Variants in CNTNAP2 observed in about 807,000 individuals in gnomAD.
The protein encoded by CNTNAP2 is contactin associated protein 2.
In CNTNAP2, 98 loss-of-function variants were observed where a neutral mutation model predicts 155.2. The ratio of observed to expected loss-of-function variants is 0.63; its 90% confidence interval spans 0.54 to 0.75. The LOEUF is 0.75. CNTNAP2 is among the 30% of genes least tolerant of loss of function. The pLI is 0.00. For synonymous variants in CNTNAP2, 651 were observed against 631.2 expected (o/e 1.03, Z -0.47); for missense variants, 1,727 against 1,688.1 (o/e 1.02, Z -0.40).
intron 12 of CNTNAP2, among the ~76,000 whole-genome samples, chr7:147,614,418 A>G (rs1027830453): frequency 6.6e-6 from 1 of 151,944 alleles, no homozygotes; most frequent in African/African-American, 2.4e-5. Context: ...ATATTTTGTG[A>G]GATTTTGTTT....
intron 1 of CNTNAP2, among the ~76,000 whole-genome samples, chr7:146,701,659 G>GTA (rs1025389844): frequency 6.7e-6 from 1 of 149,122 alleles, no homozygotes; most frequent in Non-Finnish European, 1.5e-5. Flanking sequence ...TTAAATTTTT[G>GTA]TATATACACA....
chr7:148,026,191 G>A (rs115337328), intron 15 of CNTNAP2, among the ~76,000 whole-genome samples: 1 of 152,150 alleles, frequency 6.6e-6, no homozygotes, highest in South Asian at 2.1e-4. Context: ...GCTCACACCT[G>A]TAATCCCAGC....
intron 3 of CNTNAP2, among the ~76,000 whole-genome samples, chr7:146,911,490 G>T: frequency 6.6e-6 from 1 of 152,034 alleles, no homozygotes; most frequent in East Asian, 1.9e-4. Flanking sequence ...AAGTTGATGA[G>T]TTCATATCCT....
intron 1 of CNTNAP2, among the ~76,000 whole-genome samples, chr7:146,191,999 G>T (rs887683894): frequency 5.0e-4 from 76 of 152,286 alleles, no homozygotes; most frequent in African/African-American, 1.8e-3. Context: ...AATCACAAGA[G>T]TATTGACTGG....
At chr7:148,379,332 A>C (rs1798999818) in intron 21 of CNTNAP2, among the ~76,000 whole-genome samples, 1 of 152,198 alleles carries the variant, frequency 6.6e-6, no homozygotes, top group Non-Finnish European at 1.5e-5. Flanking sequence ...ATCCCATGGA[A>C]TACACAAGAA....
chr7:146,792,160 T>A (rs868421136), intron 2 of CNTNAP2, among the ~76,000 whole-genome samples: 5 of 152,184 alleles, frequency 3.3e-5, no homozygotes, highest in Non-Finnish European at 7.3e-5. Context: ...TCATTATTCA[T>A]AAACACTTAT....
chr7:147,798,373 A>G (rs1465442561), intron 13 of CNTNAP2, among the ~76,000 whole-genome samples: 1 of 152,196 alleles, frequency 6.6e-6, no homozygotes, highest in Non-Finnish European at 1.5e-5. Flanking sequence ...AAAAATCACC[A>G]AATAAAACTG....
chr7:146,189,152 TTCTC>T (rs1177927596), intron 1 of CNTNAP2, among the ~76,000 whole-genome samples: 1 of 152,188 alleles, frequency 6.6e-6, no homozygotes, highest in African/African-American at 2.4e-5. Context: ...CATTTTCTAA[TTCTC>T]TCAGGTAATG....
chr7:146,637,895 A>C (rs951456449), intron 1 of CNTNAP2, among the ~76,000 whole-genome samples: 1 of 152,202 alleles, frequency 6.6e-6, no homozygotes, highest in Non-Finnish European at 1.5e-5. Context: ...AAGGAACAAA[A>C]ACCAACATAT....
At chr7:148,280,918 C>CA (rs55842107) in intron 21 of CNTNAP2, among the ~76,000 whole-genome samples, 80,433 of 146,304 alleles carry the variant, frequency 0.55, 22,994 homozygotes, top group East Asian at 0.75. Context: ...GACTCCATCT[C>CA]AAAAAAAAAA....
intron 14 of CNTNAP2, among the ~76,000 whole-genome samples, chr7:147,942,352 A>T (rs1338984762): frequency 7.1e-6 from 1 of 140,272 alleles, no homozygotes; most frequent in Non-Finnish European, 1.6e-5. Context: ...TCGTTGTAGA[A>T]GTAAGCCTTT....
chr7:146,161,020 C>T (rs1461736010), intron 1 of CNTNAP2, among the ~76,000 whole-genome samples: 1 of 152,220 alleles, frequency 6.6e-6, no homozygotes, highest in African/African-American at 2.4e-5. Context: ...AAGTTGGCTT[C>T]ATCCCTGGGA....
At chr7:146,244,360 G>A (rs1283674655) in intron 1 of CNTNAP2, among the ~76,000 whole-genome samples, 3 of 152,076 alleles carry the variant, frequency 2.0e-5, no homozygotes, top group Non-Finnish European at 4.4e-5. Context: ...ATAGGAGTAT[G>A]ACTAGACACA....
At chr7:147,599,873 A>G (rs1266382428) in intron 12 of CNTNAP2, among the ~76,000 whole-genome samples, 3 of 152,210 alleles carry the variant, frequency 2.0e-5, no homozygotes, top group African/African-American at 7.2e-5. Flanking sequence ...CACAGTTTCC[A>G]GGTGGACATG....
intron 2 of CNTNAP2, among the ~76,000 whole-genome samples, chr7:146,802,474 A>G (rs896885373): frequency 6.6e-6 from 1 of 152,164 alleles, no homozygotes; most frequent in African/African-American, 2.4e-5. Context: ...GTAATTCCCA[A>G]CGTTGGGGGA....
chr7:148,311,956 A>C (rs141204682), intron 21 of CNTNAP2, among the ~76,000 whole-genome samples: 3,884 of 152,314 alleles, frequency 0.025, 79 homozygotes, highest in Non-Finnish European at 0.039. Context: ...GAACAATGGT[A>C]ATTGTGGGAG....
intron 1 of CNTNAP2, among the ~76,000 whole-genome samples, chr7:146,248,902 C>T (rs1172977517): frequency 6.6e-6 from 1 of 151,960 alleles, no homozygotes; most frequent in African/African-American, 2.4e-5. Context: ...CAGGCTGAGT[C>T]CGAAAAGAGA....
chr7:146,188,345 T>C (rs1159943934), intron 1 of CNTNAP2, among the ~76,000 whole-genome samples: 1 of 152,204 alleles, frequency 6.6e-6, no homozygotes, highest in Non-Finnish European at 1.5e-5. Flanking sequence ...ACTCAAAGTA[T>C]ATTAAGGCTG....
At chr7:146,784,314 C>T (rs1196537492) in intron 2 of CNTNAP2, among the ~76,000 whole-genome samples, 1 of 152,130 alleles carries the variant, frequency 6.6e-6, no homozygotes, top group African/African-American at 2.4e-5. Context: ...TATTAATTTT[C>T]TAACACTCTC....
Sources: allele counts gnomAD v4.1 joint callset (sites outside exome capture counted in the v4.1 genomes callset), GRCh38; gene constraint gnomAD v4.1.1; transcripts MANE v1.5; gene names NCBI Gene and HGNC (gene_info 2026-07-23, HGNC 2026-07-21).